CAAP1: variants seen among roughly 807,000 people sequenced by gnomAD.
CAAP1 encodes the protein conserved anti-apoptotic protein.
In CAAP1, 20 loss-of-function variants were observed where a neutral mutation model predicts 34.0. The ratio of observed to expected loss-of-function variants is 0.59; its 90% CI spans 0.41 to 0.86. CAAP1 has a LOEUF of 0.86. Among genes scored for constraint, CAAP1 ranks in the 40% least tolerant of loss-of-function variants. CAAP1 has a pLI of 0.00. For synonymous variants in CAAP1, 213 were observed against 166.7 expected, an observed-to-expected ratio of 1.28 and a Z score of -2.14; for missense variants, 538 against 450.5, an observed-to-expected ratio of 1.19 and a Z score of -1.76.
intron 1 of CAAP1, among the ~76,000 whole-genome samples, chr9:26,889,426 C>A (rs1349614114): frequency 2.0e-5 from 3 of 151,472 alleles, no homozygotes; most frequent in Non-Finnish European, 4.4e-5. Context: ...CTCAAAAAAA[C>A]AAAAACAAAA....
At chr9:26,843,287 T>C (rs1822521600) in intron 5 of CAAP1, among the ~76,000 whole-genome samples, 1 of 152,184 alleles carries the variant, frequency 6.6e-6, no homozygotes, top group South Asian at 2.1e-4. Flanking sequence ...AATGCATTTG[T>C]TATAAAACTT....
chr9:26,885,197 C>G (rs1324947585), intron 3 of CAAP1, among the ~76,000 whole-genome samples: 1 of 151,588 alleles, frequency 6.6e-6, no homozygotes, highest in Non-Finnish European at 1.5e-5. Flanking sequence ...CTGCCTCAGC[C>G]TCCCGAGCAG....
chr9:26,842,313 T>G lies in CAAP1; in HGVS notation c.1074A>C (p.Lys358Asn). Residue 358 changes from lysine to asparagine, a missense_variant, in exon 6 of 6, where the codon AAA becomes AAC. Physicochemically the swap from Lys to Asn is moderately conservative, Grantham distance 94. Transcript: ENST00000333916. Reference sequence around the variant, plus strand: ...TCAAGTTAAATACCTAGGCTGGCTTTTTTATATCACCAGCTTTCATTAGGG... The same window carrying G: ...TCAAGTTAAATACCTAGGCTGGCTTGTTTATATCACCAGCTTTCATTAGGG... ...IKALMKAGDI[K>N]KPA 1 of 1,567,382 alleles carries G rather than the reference T, an allele frequency of 6.4e-7. No individual in the cohort carries two copies. The highest frequency in any genetic ancestry group is 8.6e-7 in the Non-Finnish European group (1 of 1,158,990).
chr9:26,864,567 T>C (rs1703259452), intron 4 of CAAP1, among the ~76,000 whole-genome samples: 1 of 152,184 alleles, frequency 6.6e-6, no homozygotes, highest in African/African-American at 2.4e-5. Flanking sequence ...TTCTGACCTG[T>C]GATTCTCTAA....
chr9:26,884,495 A>G (rs541657572), intron 4 of CAAP1, among the ~76,000 whole-genome samples: 4 of 152,326 alleles, frequency 2.6e-5, no homozygotes, highest in Non-Finnish European at 5.9e-5. Context: ...GTAAGTGCTT[A>G]ATAAATAAAT....
In CAAP1 at chr9:26,892,405, G is replaced by A; in HGVS notation, c.303+8C>T. The A allele has an allele frequency of 6.2e-7, 1 of 1,603,996 alleles. No individual in the cohort carries two copies. Among genetic ancestry groups the A allele is most frequent in the South Asian group, 1.1e-5 (1 of 90,312 alleles). The stretch of plus-strand genomic sequence containing the variant: ...CTCCAGGAAGCGGCCAGAGGGGCGC[G>A]CACGCACCTGCTGCAAGGAGCCCGA... On this transcript the variant is annotated splice_region_variant and intron_variant, in intron 1 of 5. Transcript: ENST00000333916.
chr9:26,863,053 A>T (rs1319063494), intron 4 of CAAP1, among the ~76,000 whole-genome samples: 2 of 152,152 alleles, frequency 1.3e-5, no homozygotes, highest in Admixed American at 6.6e-5. Context: ...AATAAGTCTG[A>T]AAGTATTTCC....
At chr9:26,887,031 C>T (rs1169693316) in intron 2 of CAAP1, among the ~76,000 whole-genome samples, 3 of 152,082 alleles carry the variant, frequency 2.0e-5, no homozygotes, top group Middle Eastern at 3.4e-3. Context: ...CTGGCCAACA[C>T]GGTGAAACCC....
At position 26,887,345 on chromosome 9, in the gene CAAP1, T is replaced by C. The variant is rs770271140; in HGVS notation, c.472A>G (p.Lys158Glu). 11 of 1,606,384 alleles carry C rather than the reference T, an allele frequency of 6.8e-6. No individual in the cohort carries two copies. The highest frequency in any genetic ancestry group is 4.3e-6 in the Non-Finnish European group (5 of 1,176,042). The part of the protein sequence containing the change: ...QQCFCIIGEK[K>E]LQKMLPDVLK... ...ACATCAGGAAGCATCTTCTGTAACT[T>C]TTTCTCTCCTATAATACAGAAGCAC... Residue 158 changes from lysine to glutamate, a missense_variant, in exon 2 of 6, where the codon AAG (lysine) becomes GAG (glutamate). Transcript: ENST00000333916.
intron 4 of CAAP1, among the ~76,000 whole-genome samples, chr9:26,879,380 C>A (rs907763657): frequency 6.6e-6 from 1 of 152,074 alleles, no homozygotes; most frequent in South Asian, 2.1e-4. Flanking sequence ...TAATGCTTTA[C>A]GTCCCTGAAT....
chr9:26,874,293 T>C (rs1823367103), intron 4 of CAAP1, among the ~76,000 whole-genome samples: 1 of 150,742 alleles, frequency 6.6e-6, no homozygotes, highest in Non-Finnish European at 1.5e-5. Flanking sequence ...ATATTTCAAA[T>C]ACAAGCATAC....
intron 5 of CAAP1, among the ~76,000 whole-genome samples, chr9:26,853,772 A>G (rs540006549): frequency 1.3e-5 from 2 of 152,342 alleles, no homozygotes; most frequent in South Asian, 2.1e-4. Context: ...TCGGCAGCAC[A>G]AAGAGTTCAT....
chr9:26,852,121 C>A (rs1002809563), intron 5 of CAAP1, among the ~76,000 whole-genome samples: 1 of 134,918 alleles, frequency 7.4e-6, no homozygotes, highest in African/African-American at 2.8e-5. Context: ...GTGCAGTGGC[C>A]CAATCATGGC....
chr9:26,877,105 C>T (rs1372344180), intron 4 of CAAP1, among the ~76,000 whole-genome samples: 2 of 152,094 alleles, frequency 1.3e-5, no homozygotes, highest in Non-Finnish European at 2.9e-5. Context: ...AGCTATGTAC[C>T]TGCACTCCGG....
rs557324034 is a variant in CAAP1 at position 26,873,733 on chromosome 9, G to A, written c.665+11077C>T. ...ACTTAAAATTGTTGCGTTGTTAAGC[G>A]GTTTTATCTTAATCTGTAACTTTTA... On this transcript the variant is annotated intron_variant, in intron 4 of 5. Transcript: ENST00000333916. Among the ~76,000 whole-genome samples, 14 of 152,102 alleles carry A rather than the reference G, an allele frequency of 9.2e-5. 2 individuals are homozygous for A. Among genetic ancestry groups the A allele is most frequent in the African/African-American group, 2.9e-4 (12 of 41,502 alleles).
chr9:26,851,436 A>G (rs1374227390), intron 5 of CAAP1, among the ~76,000 whole-genome samples: 1 of 152,162 alleles, frequency 6.6e-6, no homozygotes, highest in Non-Finnish European at 1.5e-5. Flanking sequence ...AGGTGAGAAT[A>G]TATAAAAAAA....
chr9:26,883,263 A>G (rs1823642967), intron 4 of CAAP1, among the ~76,000 whole-genome samples: 1 of 152,134 alleles, frequency 6.6e-6, no homozygotes, highest in African/African-American at 2.4e-5. Flanking sequence ...TAATTCTTAC[A>G]TGTTGTGGAA....
chr9:26,858,822 CAAAAA>C (rs756404393), intron 5 of CAAP1, among the ~76,000 whole-genome samples: 3 of 87,200 alleles, frequency 3.4e-5, no homozygotes, highest in East Asian at 6.1e-4. Flanking sequence ...GGCTCCATCT[CAAAAA>C]AAAAAAAAAA....
chr9:26,860,557 C>T (rs1445174445), intron 5 of CAAP1, among the ~76,000 whole-genome samples: 3 of 152,134 alleles, frequency 2.0e-5, no homozygotes. Context: ...CTTTGGGTGG[C>T]CGAGGCGGGT....
Sources: allele counts gnomAD v4.1 joint callset (sites outside exome capture counted in the v4.1 genomes callset), GRCh38; gene constraint gnomAD v4.1.1; transcripts MANE v1.5; gene names NCBI Gene and HGNC (gene_info 2026-07-23, HGNC 2026-07-21).